Variants in FOXO1 observed in about 807,000 individuals in gnomAD.
FOXO1 encodes the protein forkhead box O1.
FOXO1 carries 6 observed loss-of-function variants against 44.1 expected under a neutral mutation model. That is an observed-to-expected ratio of 0.14 (90% confidence interval 0.07 to 0.27). FOXO1 has a LOEUF of 0.27. Among genes scored for constraint, FOXO1 ranks in the 10% least tolerant of loss-of-function variants. FOXO1 has a pLI of 1.00. For missense variants in FOXO1, 737 were observed against 888.8 expected, an observed-to-expected ratio of 0.83 and a Z score of 2.17; for synonymous variants, 380 against 362.7, an observed-to-expected ratio of 1.05 and a Z score of -0.54.
intron 1 of FOXO1, among the ~76,000 whole-genome samples, chr13:40,571,885 A>G (rs1006993326): frequency 1.3e-5 from 2 of 152,194 alleles, no homozygotes; most frequent in African/African-American, 4.8e-5. Context: ...TTAAAACCAA[A>G]AACAAAGAAC....
chr13:40,615,844 C>T (rs1161200356), intron 1 of FOXO1, among the ~76,000 whole-genome samples: 1 of 152,138 alleles, frequency 6.6e-6, no homozygotes, highest in African/African-American at 2.4e-5. Context: ...CAGGAGGGCT[C>T]GGCTGTAATA....
At chr13:40,565,922 G>A (rs951127324) in intron 1 of FOXO1, among the ~76,000 whole-genome samples, 1 of 152,100 alleles carries the variant, frequency 6.6e-6, no homozygotes, top group Non-Finnish European at 1.5e-5. Context: ...GTTAATTACT[G>A]GAAAGATTGA....
intron 1 of FOXO1, among the ~76,000 whole-genome samples, chr13:40,585,421 A>G (rs1391237428): frequency 6.6e-6 from 1 of 152,102 alleles, no homozygotes; most frequent in Non-Finnish European, 1.5e-5. Flanking sequence ...CCATATGCCA[A>G]CAGGCAAGTC....
Position 40,560,645 on chromosome 13 carries a change from C to T in FOXO1, c.846G>A (p.Glu282=), listed in dbSNP as rs1873970420. The part of the protein sequence containing the change: ...KKKASLQSGQ[E]GAGDSPGSQF... ...GTGATCCAGGGCTGTCCCCAGCACCCTCCTGGCCAGACTGGAGAGATGCTT... is the reference window on the plus strand; with the variant it reads ...GTGATCCAGGGCTGTCCCCAGCACCTTCCTGGCCAGACTGGAGAGATGCTT... Residue 282 remains glutamate, a synonymous_variant, in exon 2 of 3, where the codon GAG becomes GAA. Coordinates refer to ENST00000379561, the MANE Select transcript of FOXO1 (RefSeq NM_002015.4). This position sits in a 1 kb window ranked among gnomAD's most constrained non-coding sequence, Gnocchi z 5.1. 1 of 1,614,180 alleles carries T rather than the reference C, an allele frequency of 6.2e-7. No individual in the cohort carries two copies. Among genetic ancestry groups the T allele is most frequent in the Non-Finnish European group, 8.5e-7 (1 of 1,180,030 alleles).
intron 1 of FOXO1, among the ~76,000 whole-genome samples, chr13:40,568,823 C>G (rs931365561): frequency 4.0e-5 from 6 of 151,238 alleles, no homozygotes; most frequent in Non-Finnish European, 7.4e-5. Flanking sequence ...AGACTGGCGG[C>G]CTGGTAAAAC....
Position 40,665,975 on chromosome 13 carries a change from T to C in FOXO1, c.238A>G (p.Ser80Gly). ...FMSNLSLLEE[S>G]EDFPQAPGSV... ...CCGGGCGCCTGCGGGAAGTCCTCGC[T>C]CTCCTCCAGCAAGCTCAGGTTGCTC... Residue 80 changes from serine (S) to glycine (G), a missense_variant, in exon 1 of 3, where the codon AGC becomes GGC. Physicochemically the swap from Ser to Gly is moderately conservative, Grantham distance 56. Coordinates refer to ENST00000379561, the MANE Select transcript of FOXO1 (RefSeq NM_002015.4). 2.4e-6 allele frequency: 3 copies of C among 1,236,148 alleles called. No individual in the cohort carries two copies. Among genetic ancestry groups the C allele is most frequent in the Non-Finnish European group, 3.0e-6 (3 of 992,800 alleles). The allele number at this position is 1,236,148 out of a possible 1,614,324, so 76.6% of individuals were successfully genotyped here. A position where few individuals can be genotyped will look rare whatever the true frequency, so the allele number is the denominator to read the frequency against.
intron 1 of FOXO1, among the ~76,000 whole-genome samples, chr13:40,614,064 T>G (rs543216213): frequency 1.3e-5 from 2 of 152,300 alleles, no homozygotes; most frequent in South Asian, 4.1e-4. Flanking sequence ...AAGTTCTGGT[T>G]CCTGATTTCA....
intron 1 of FOXO1, among the ~76,000 whole-genome samples, chr13:40,657,301 T>C (rs1001461399): frequency 1.3e-5 from 2 of 150,020 alleles, no homozygotes; most frequent in East Asian, 4.0e-4. Flanking sequence ...AAGGGAACAA[T>C]CTCCCATCCT....
chr13:40,620,234 T>C, intron 1 of FOXO1: 3 of 1,552,502 alleles, frequency 1.9e-6, no homozygotes, highest in Non-Finnish European at 2.7e-6. Flanking sequence ...GACCTTCAAG[T>C]GAGAAGGATC....
chr13:40,568,896 C>G (rs183711198), intron 1 of FOXO1, among the ~76,000 whole-genome samples: 3 of 152,290 alleles, frequency 2.0e-5, no homozygotes, highest in Non-Finnish European at 4.4e-5. Context: ...AAACAAAGTT[C>G]AGAGAGATTA....
chr13:40,600,954 A>C (rs1232031206), intron 1 of FOXO1, among the ~76,000 whole-genome samples: 1 of 152,224 alleles, frequency 6.6e-6, no homozygotes, highest in Non-Finnish European at 1.5e-5. Flanking sequence ...AAAGCTAAAA[A>C]GTGATGGAAA....
intron 1 of FOXO1, among the ~76,000 whole-genome samples, chr13:40,581,380 C>T (rs117508274): frequency 3.9e-5 from 6 of 152,270 alleles, no homozygotes; most frequent in East Asian, 3.9e-4. Flanking sequence ...ACCAGCTGCT[C>T]GCTCCTTGAT....
In FOXO1 at chr13:40,639,212, C is replaced by A. The variant is rs536005308; in HGVS notation, c.630+26371G>T. ...GAAACTCTGTCTTTAAAAAAAAAAA[C>A]AACAACAGTTACTAAGACAATGAAA... On this transcript the variant is annotated intron_variant, in intron 1 of 2. Coordinates refer to ENST00000379561, the MANE Select transcript of FOXO1 (RefSeq NM_002015.4). Among the ~76,000 whole-genome samples the A allele has an allele frequency of 3.3e-5, 5 of 151,392 alleles. No homozygotes were observed. The South Asian group carries it at 6.3e-4, about 19-fold the overall frequency.
chr13:40,657,084 G>A (rs760991877), intron 1 of FOXO1, among the ~76,000 whole-genome samples: 1 of 152,050 alleles, frequency 6.6e-6, no homozygotes, highest in African/African-American at 2.4e-5. Context: ...CAGAGAAACT[G>A]ATGCTTCCCA....
chr13:40,559,403 GGACA>G, intron 2 of FOXO1, 102 bp downstream of exon 2: 1 of 1,006,468 alleles, frequency 9.9e-7, no homozygotes, highest in South Asian at 1.7e-5. Flanking sequence ...TCTCTGCAAG[GGACA>G]GTCAGTTGAC....
In FOXO1 at chr13:40,572,472, T is replaced by C. The variant is rs542453699; in HGVS notation, c.631-11612A>G. Among the ~76,000 whole-genome samples the C allele has an allele frequency of 7.2e-5, 11 of 152,274 alleles. No homozygotes were observed. The South Asian group carries it at 2.3e-3, about 32-fold the overall frequency. On this transcript the variant is annotated intron_variant, in intron 1 of 2. Transcript: ENST00000379561. ...AAAACAACAGCAAACTGCAATAAAG[T>C]GTAACACTCTGAATTACACTACCTG...
intron 1 of FOXO1, among the ~76,000 whole-genome samples, chr13:40,612,675 G>A (rs2137892396): frequency 6.6e-6 from 1 of 152,244 alleles, no homozygotes; most frequent in African/African-American, 2.4e-5. Flanking sequence ...TGAGTTACCT[G>A]CAGTACAACA....
chr13:40,607,545 T>TA (rs71200134), intron 1 of FOXO1, among the ~76,000 whole-genome samples: 1 of 151,732 alleles, frequency 6.6e-6, no homozygotes, highest in Non-Finnish European at 1.5e-5. Context: ...GGGAGGGAAA[T>TA]AAAGTTATCA....
chr13:40,559,589 A>G lies in FOXO1; in HGVS notation c.1902T>C (p.Asn634=), dbSNP rs1187703055. 6.2e-7 allele frequency: 1 copy of G among 1,613,990 alleles called. No individual in the cohort carries two copies. Among genetic ancestry groups the G allele is most frequent in the Non-Finnish European group, 8.5e-7 (1 of 1,179,908 alleles). Residue 634 remains asparagine, a synonymous_variant, in exon 2 of 3, where the codon AAT becomes AAC. Coordinates refer to ENST00000379561, the MANE Select transcript of FOXO1 (RefSeq NM_002015.4). ...GTGGGAAGCTTTGGTTGGGCAACAC[A>G]TTGTCAAAGTTAAAATCCAATGTAT... The part of the protein sequence containing the change: ...DGDTLDFNFD[N]VLPNQSFPHS...
Sources: gnomAD v4.1 joint callset for allele counts (sites outside exome capture counted in the v4.1 genomes callset) on GRCh38, gnomAD v4.1.1 for gene constraint, Gnocchi (gnomAD v3.1) non-coding constraint, MANE v1.5 for transcripts, NCBI Gene and HGNC (gene_info 2026-07-23, HGNC 2026-07-21) for gene names.